The following DCAF8L2 variants were observed in gnomAD, a reference collection of about 807,000 sequenced individuals.
DCAF8L2 encodes DDB1 and CUL4 associated factor 8 like 2.
For synonymous variants in DCAF8L2, 200 were observed against 190.9 expected, an observed-to-expected ratio of 1.05 and a Z score of -0.39; for missense variants, 430 against 490.7, an observed-to-expected ratio of 0.88 and a Z score of 1.17.
intron 2 of DCAF8L2, among the ~76,000 whole-genome samples, chrX:27,658,977 C>T (rs1434530312): frequency 1.8e-5 from 2 of 111,836 alleles, no homozygotes; most frequent in African/African-American, 6.5e-5. Context: ...AATTCTCGCC[C>T]CCACCTGCTG....
chrX:27,597,144 A>G (rs186448634), intron 1 of DCAF8L2, among the ~76,000 whole-genome samples: 264 of 112,101 alleles, frequency 2.4e-3, no homozygotes, highest in Admixed American at 4.1e-3. Context: ...GCTTATTACA[A>G]TGATGATTAT....
chrX:27,699,959 TAGG>T (rs1251429257), intron 3 of DCAF8L2, among the ~76,000 whole-genome samples: 1 of 110,934 alleles, frequency 9.0e-6, no homozygotes, highest in African/African-American at 3.3e-5. Context: ...GGCTTGAGCC[TAGG>T]AGTTCAACAT....
chrX:27,630,191 ATTC>A (rs762393610), intron 1 of DCAF8L2, among the ~76,000 whole-genome samples: 11 of 111,928 alleles, frequency 9.8e-5, no homozygotes, highest in Non-Finnish European at 1.9e-4. Flanking sequence ...TAGTTCTAAT[ATTC>A]TTCTGTGGAG....
intron 1 of DCAF8L2, among the ~76,000 whole-genome samples, chrX:27,606,146 T>C (rs1452762467): frequency 9.8e-6 from 1 of 101,764 alleles, no homozygotes; most frequent in Non-Finnish European, 2.0e-5. Context: ...GTCATGTGTA[T>C]TACAGGCATT....
the DCAF8L2 span, among the ~76,000 whole-genome samples, chrX:27,558,573 G>A: frequency 9.0e-6 from 1 of 111,213 alleles, no homozygotes; most frequent in South Asian, 3.9e-4. Context: ...TATAAAATAT[G>A]CTGGGGGATG....
At chrX:27,503,178 A>T in the DCAF8L2 span, among the ~76,000 whole-genome samples, 1 of 111,358 alleles carries the variant, frequency 9.0e-6, no homozygotes, top group African/African-American at 3.3e-5. Context: ...GAGTTCAGAG[A>T]GTTCCCTATA....
chrX:27,740,113 T>C (rs1401591960), intron 4 of DCAF8L2, among the ~76,000 whole-genome samples: 2 of 111,674 alleles, frequency 1.8e-5, no homozygotes, highest in African/African-American at 6.5e-5. Context: ...GATGTCCGTA[T>C]GCTTACCTTG....
intron 1 of DCAF8L2, among the ~76,000 whole-genome samples, chrX:27,616,806 A>C (rs1927503218): frequency 9.0e-6 from 1 of 111,476 alleles, no homozygotes; most frequent in African/African-American, 3.3e-5. Flanking sequence ...AGGATCTTGC[A>C]GCAATCACTG....
intron 3 of DCAF8L2, among the ~76,000 whole-genome samples, chrX:27,704,181 C>CACACACACACACACACACATAT (rs200753295): frequency 1.3e-4 from 12 of 89,437 alleles, no homozygotes; most frequent in African/African-American, 5.0e-4. Context: ...TATACATATA[C>CACACACACACACACACACATAT]ACACACACAT....
chrX:27,655,892 A>T (rs1436132971), intron 2 of DCAF8L2, among the ~76,000 whole-genome samples: 1 of 111,412 alleles, frequency 9.0e-6, no homozygotes, highest in African/African-American at 3.3e-5. Context: ...CAAATAGTTA[A>T]GTACCTCTGC....
At chrX:27,484,136 A>G in the DCAF8L2 span, among the ~76,000 whole-genome samples, 2 of 111,706 alleles carry the variant, frequency 1.8e-5, no homozygotes, top group East Asian at 5.6e-4. Context: ...TTTCAAATAG[A>G]GTTGGAGGAT....
At chrX:27,673,720 C>T (rs182077662) in intron 2 of DCAF8L2, among the ~76,000 whole-genome samples, 1 of 108,138 alleles carries the variant, frequency 9.2e-6, no homozygotes, top group East Asian at 2.9e-4. Flanking sequence ...TATATACACA[C>T]ACACATATAC....
chrX:27,686,813 A>G (rs1425671944), intron 3 of DCAF8L2, among the ~76,000 whole-genome samples: 1 of 112,414 alleles, frequency 8.9e-6, no homozygotes, highest in Non-Finnish European at 1.9e-5. Flanking sequence ...TTTGTAGAAG[A>G]CAATTTTTCT....
intron 3 of DCAF8L2, among the ~76,000 whole-genome samples, chrX:27,686,772 G>A (rs995639159): frequency 8.9e-6 from 1 of 111,988 alleles, no homozygotes; most frequent in Non-Finnish European, 1.9e-5. Flanking sequence ...TGAGTCAGTG[G>A]TCCCCAACGT....
At chrX:27,666,049 A>T (rs1929729295) in intron 2 of DCAF8L2, among the ~76,000 whole-genome samples, 1 of 111,782 alleles carries the variant, frequency 8.9e-6, no homozygotes, top group South Asian at 3.7e-4. Context: ...CTCATGTGTC[A>T]TGTTTTCCAA....
At chrX:27,696,268 G>GAGAAAGAAAGAAAGAAAGAAAGAA (rs565370286) in intron 3 of DCAF8L2, among the ~76,000 whole-genome samples, 1 of 74,849 alleles carries the variant, frequency 1.3e-5, no homozygotes, top group Non-Finnish European at 2.5e-5. Context: ...AAGAGAGAGA[G>GAGAAAGAAAGAAAGAAAGAAAGAA]AGAAAGAAAG....
At chrX:27,595,349 A>T (rs986924408) in intron 1 of DCAF8L2, among the ~76,000 whole-genome samples, 47 of 111,702 alleles carry the variant, frequency 4.2e-4, no homozygotes, top group African/African-American at 1.5e-3. Context: ...ATTTTTGCCA[A>T]TCCTCTTCTC....
intron 3 of DCAF8L2, among the ~76,000 whole-genome samples, chrX:27,705,631 A>G (rs1164824228): frequency 9.0e-6 from 1 of 111,026 alleles, no homozygotes; most frequent in Non-Finnish European, 1.9e-5. Flanking sequence ...CCACTTTTTA[A>G]TGGGGTTGTT....
chrX:27,635,552 A>C (rs759409568), intron 2 of DCAF8L2, among the ~76,000 whole-genome samples: 1 of 111,523 alleles, frequency 9.0e-6, no homozygotes, highest in African/African-American at 3.3e-5. Context: ...AGAGTCAAGT[A>C]ATTCTTTTCA....
Sources: allele counts gnomAD v4.1 joint callset (sites outside exome capture counted in the v4.1 genomes callset), GRCh38; gene constraint gnomAD v4.1.1; transcripts MANE v1.5; gene names NCBI Gene and HGNC (gene_info 2026-07-23, HGNC 2026-07-21).